ITIH3: variants seen among roughly 807,000 people sequenced by gnomAD.
The protein encoded by ITIH3 is inter-alpha-trypsin inhibitor heavy chain H3.
In ITIH3, 81 loss-of-function variants were observed where a neutral mutation model predicts 96.5. The ratio of observed to expected loss-of-function variants is 0.84; its 90% CI spans 0.70 to 1.01. ITIH3 has a LOEUF of 1.01. Ranked by LOEUF, ITIH3 falls within the 50% of genes least tolerant of loss-of-function variation. The pLI is 0.00. For synonymous variants in ITIH3, 422 were observed against 445.2 expected, an observed-to-expected ratio of 0.95 and a Z score of 0.66; for missense variants, 1,057 against 1,139.3, an observed-to-expected ratio of 0.93 and a Z score of 1.04.
intron 13 of ITIH3, among the ~76,000 whole-genome samples, chr3:52,803,302 ATTTATTTTATTTTATTATTATTATTT>A (rs1239670893): frequency 1.0e-4 from 12 of 119,640 alleles, no homozygotes; most frequent in African/African-American, 4.2e-4. Context: ...TTATTTATTT[ATTTATTTTATTTTATTATTATTATTT>A]TTTTTTTTGA....
intron 7 of ITIH3, 118 bp from the exon 8 acceptor site, chr3:52,799,254 G>A: frequency 8.7e-7 from 1 of 1,156,036 alleles, no homozygotes; most frequent in Non-Finnish European, 1.2e-6. Context: ...ACCCCCTAGA[G>A]GGTGGGATAG....
chr3:52,803,325 A>ATT lies in ITIH3; in HGVS notation c.1710-520_1710-519dup, dbSNP rs561451509. The stretch of plus-strand genomic sequence containing the variant: ...TTATTTATTTTATTTTATTATTATT[A>ATT]TTTTTTTTTTTGAGACGGAGTCTCG... On this transcript the variant is annotated intron_variant, in intron 13 of 21. Transcript: ENST00000449956. Among the ~76,000 whole-genome samples, 8 of 115,406 alleles carry ATT rather than the reference A, an allele frequency of 6.9e-5. No homozygotes were observed. In the South Asian group the frequency reaches 8.0e-4, roughly 12 times the overall value. 75.7% of individuals were successfully genotyped at this position (115,406 alleles called of 152,430 possible).
At chr3:52,805,675 G>A (rs1700010887) in intron 15 of ITIH3, 133 bp from the exon 16 acceptor site, 1 of 1,514,622 alleles carries the variant, frequency 6.6e-7, no homozygotes, top group South Asian at 1.3e-5. Context: ...AATCTTTGTA[G>A]TCACATCTCC....
rs1383700472 is a variant in ITIH3 at position 52,800,408 on chromosome 3, C to T, written c.1076-130C>T. On this transcript the variant is annotated intron_variant, in intron 9 of 21. Transcript: ENST00000449956. ...TTCATTCATTGTTTGCTGAGTACCA[C>T]CATGGGCTGGCAGATAGGGTCCTTG... 1.8e-5 allele frequency: 19 copies of T among 1,052,532 alleles called. No individual in the cohort carries two copies. The East Asian group carries it at 5.0e-4, about 28-fold the overall frequency. The allele number at this position is 1,052,532 out of a possible 1,614,324, so 65.2% of individuals were successfully genotyped here. A position where few individuals can be genotyped will look rare whatever the true frequency, so the allele number is the denominator to read the frequency against.
rs1296868646 is a variant in ITIH3, at chr3:52,797,272, T to A, written c.549+5T>A. On this transcript the variant is annotated splice_donor_5th_base_variant and intron_variant, in intron 5 of 21. Transcript: ENST00000449956. Reference sequence around the variant, plus strand: ...CAACTGGTCAAACACTTTGAGGTAATCAACCGCCCCTGCAGACCTGGGGGG... The same window carrying A: ...CAACTGGTCAAACACTTTGAGGTAAACAACCGCCCCTGCAGACCTGGGGGG... 5 of 1,599,096 alleles carry A rather than the reference T, an allele frequency of 3.1e-6. No homozygotes were observed. Among genetic ancestry groups the A allele is most frequent in the Non-Finnish European group, 3.4e-6 (4 of 1,172,974 alleles).
chr3:52,804,775 G>A (rs1425360084), intron 15 of ITIH3, 41 bp downstream of exon 15: 3 of 1,578,672 alleles, frequency 1.9e-6, no homozygotes, highest in Non-Finnish European at 8.6e-7. Context: ...ATTATGGAAG[G>A]GAGACAAGAG....
rs899669669 is a variant in ITIH3 at position 52,801,662 on chromosome 3, T to G, written c.1383+516T>G. 6.6e-5 allele frequency among the ~76,000 whole-genome samples: 10 copies of G among 152,328 alleles called. No individual in the cohort carries two copies. In the South Asian group the frequency reaches 1.2e-3, roughly 19 times the overall value. ...TGTCTGCACATGTCTTCCCTCTGGA[T>G]GTCTGTGTCCAACTCCCCTTTTAAT... On this transcript the variant is annotated intron_variant, in intron 11 of 21. Coordinates refer to ENST00000449956, the MANE Select transcript of ITIH3 (RefSeq NM_002217.4).
intron 5 of ITIH3, 118 bp from the exon 6 acceptor site, chr3:52,797,698 TC>T (rs1699647104): frequency 1.5e-6 from 1 of 650,698 alleles, no homozygotes; most frequent in East Asian, 2.7e-5. Context: ...GGCTTGGCCC[TC>T]AGCACTGTCC....
Position 52,798,955 on chromosome 3 carries a change from C to G in ITIH3, c.664-11C>G. 1 of 1,612,278 alleles carries G rather than the reference C, an allele frequency of 6.2e-7. No individual in the cohort carries two copies. Among genetic ancestry groups the G allele is most frequent in the Non-Finnish European group, 8.5e-7 (1 of 1,179,220 alleles). On this transcript the variant is annotated splice_polypyrimidine_tract_variant and intron_variant, in intron 6 of 21. Transcript: ENST00000449956. ...CCGAGCTGAGCAAGGTCTTTCATCT[C>G]CATCCCTTAGGGCCATGTGTCCTTC...
At chr3:52,807,719 A>G (rs1003481116) in intron 19 of ITIH3, 28 bp from the exon 20 acceptor site, 4 of 1,592,158 alleles carry the variant, frequency 2.5e-6, no homozygotes, top group Non-Finnish European at 3.4e-6. Flanking sequence ...ACTGGGCCCC[A>G]CAGCCACTTT....
intron 15 of ITIH3, 98 bp from the exon 16 acceptor site, chr3:52,805,710 C>A: frequency 6.4e-7 from 1 of 1,564,402 alleles, no homozygotes; most frequent in South Asian, 1.2e-5. Flanking sequence ...GTGTTGGGGC[C>A]CCTCTGGGGC....
chr3:52,800,027 C>A, intron 9 of ITIH3, 106 bp downstream of exon 9: 1 of 1,061,976 alleles, frequency 9.4e-7, no homozygotes, highest in Non-Finnish European at 1.4e-6. Flanking sequence ...AGGCCCTCTT[C>A]AGATCTGAGC....
At chr3:52,801,603 T>C (rs1007347588) in intron 11 of ITIH3, among the ~76,000 whole-genome samples, 1 of 152,156 alleles carries the variant, frequency 6.6e-6, no homozygotes, top group Non-Finnish European at 1.5e-5. Context: ...TCTTTCCTTT[T>C]CTCCATGGCT....
chr3:52,808,016 C>A, intron 20 of ITIH3, 94 bp from the exon 21 acceptor site: 1 of 1,568,520 alleles, frequency 6.4e-7, no homozygotes, highest in Admixed American at 1.7e-5. Flanking sequence ...CTCACAACAC[C>A]CCATTCAGCC....
rs370275643 is a variant in ITIH3 at position 52,799,106 on chromosome 3, T to G, written c.789+15T>G. 6 of 1,612,526 alleles carry G rather than the reference T, an allele frequency of 3.7e-6. No homozygotes were observed. Among genetic ancestry groups the G allele is most frequent in the Non-Finnish European group, 5.1e-6 (6 of 1,179,410 alleles). ...GCAACGTGCAGGTACCCGGGCTGGC[T>G]GATTCATCATCAGGGTGGGGCGAGG... On this transcript the variant is annotated intron_variant, in intron 7 of 21. Coordinates refer to ENST00000449956, the MANE Select transcript of ITIH3 (RefSeq NM_002217.4).
chr3:52,807,723 C>A (rs1302716491), intron 19 of ITIH3, 24 bp from the exon 20 acceptor site: 2 of 1,595,386 alleles, frequency 1.3e-6, no homozygotes, highest in Admixed American at 3.5e-5. Context: ...GGCCCCACAG[C>A]CACTTTCTGG....
At position 52,796,754 on chromosome 3, in the gene ITIH3, TAC is replaced by T; in HGVS notation, c.298_299del (p.Thr100LeufsTer16). ...TTCCCTGCAGGACCATCGACGGTGT[TAC>T]CTACCCTGGGAATGTCAAGGAGAAG... ...TNFTLTIDGV[T>X]YPGNVKEKEV... On this transcript the variant is annotated frameshift_variant, in exon 4 of 22. Transcript: ENST00000449956. LOFTEE classifies it high-confidence loss of function. 1 of 1,612,406 alleles carries T rather than the reference TAC, an allele frequency of 6.2e-7. No individual in the cohort carries two copies. The highest frequency in any genetic ancestry group is 1.1e-5 in the South Asian group (1 of 90,634).
intron 3 of ITIH3, 45 bp downstream of exon 3, chr3:52,796,692 G>C (rs374313576): frequency 6.2e-7 from 1 of 1,605,890 alleles, no homozygotes; most frequent in Non-Finnish European, 8.5e-7. Context: ...GGAACAGGGG[G>C]TCTGGCCCAG....
chr3:52,800,915 G>C (rs764977456), intron 10 of ITIH3, 50 bp from the exon 11 acceptor site: 2 of 1,610,926 alleles, frequency 1.2e-6, no homozygotes, highest in Admixed American at 1.7e-5. Flanking sequence ...AGCTGGTCTA[G>C]ACCATCCCCA....
Sources: gnomAD v4.1 joint callset for allele counts (sites outside exome capture counted in the v4.1 genomes callset) on GRCh38, gnomAD v4.1.1 for gene constraint, MANE v1.5 for transcripts, NCBI Gene and HGNC (gene_info 2026-07-23, HGNC 2026-07-21) for gene names.